Variants in TSHR observed in about 807,000 individuals in gnomAD.
TSHR encodes thyroid stimulating hormone receptor.
TSHR carries 51 observed loss-of-function variants against 64.1 expected under a neutral mutation model. That is an observed-to-expected ratio of 0.80 (90% CI 0.64 to 1.01). The LOEUF (loss-of-function observed/expected upper bound fraction) is 1.01. TSHR is among the 50% of genes least tolerant of loss of function. The pLI, the probability that TSHR is intolerant of heterozygous loss-of-function variation, is 0.00. For missense variants in TSHR, 877 were observed against 942.8 expected (o/e 0.93, Z 0.91); for synonymous variants, 361 against 361.9 (o/e 1.00, Z 0.03).
rs148965049 is a variant in TSHR, at chr14:80,983,443, A to C, written c.170+27593A>C. 1.6e-4 allele frequency: 213 copies of C among 1,308,020 alleles called. No homozygotes were observed. The African/African-American group carries it at 2.9e-3, about 18-fold the overall frequency. 81.0% of individuals were successfully genotyped at this position (1,308,020 alleles called of 1,614,324 possible). On this transcript the variant is annotated intron_variant, in intron 1 of 9. Transcript: ENST00000298171. ...CCAACTGCAGCCAGAGACATGATCAATATGAAGGCACTGGCAGCATCAAAA... is the reference window on the plus strand; with the variant it reads ...CCAACTGCAGCCAGAGACATGATCACTATGAAGGCACTGGCAGCATCAAAA...
intron 8 of TSHR, among the ~76,000 whole-genome samples, chr14:81,114,065 T>C (rs1167174231): frequency 1.7e-4 from 26 of 151,036 alleles, no homozygotes. Context: ...CATAGAATAT[T>C]GGCAAAATGT....
rs1889691801 is a variant in TSHR, at chr14:81,103,170, G to A, written c.615-5205G>A. ...TATAGGTGAAGGAAAGAAAGGTCAA[G>A]GTTCCATGGTAATAATAAAATAGTA... On this transcript the variant is annotated intron_variant, in intron 7 of 9. Coordinates refer to ENST00000298171, the MANE Select transcript of TSHR (RefSeq NM_000369.5). This position sits in a 1 kb window ranked among gnomAD's most constrained non-coding sequence, Gnocchi z 4.1. The A allele has an allele frequency of 6.1e-6, 6 of 985,428 alleles. No individual in the cohort carries two copies. The highest frequency in any genetic ancestry group is 7.2e-6 in the Non-Finnish European group (6 of 829,930). 61.0% of individuals were successfully genotyped at this position (985,428 alleles called of 1,614,324 possible).
At chr14:80,975,824 C>T (rs1223642535) in intron 1 of TSHR, among the ~76,000 whole-genome samples, 1 of 152,128 alleles carries the variant, frequency 6.6e-6, no homozygotes, top group Non-Finnish European at 1.5e-5. Context: ...TTCTGAGCAG[C>T]ACAGGAGGCA....
chr14:81,022,811 A>G (rs1883841282), intron 1 of TSHR, among the ~76,000 whole-genome samples: 1 of 152,156 alleles, frequency 6.6e-6, no homozygotes, highest in Admixed American at 6.5e-5. Context: ...ACAAAGCGAG[A>G]CTTCATCTCA....
intron 1 of TSHR, among the ~76,000 whole-genome samples, chr14:80,971,175 G>A (rs1887572072): frequency 1.3e-5 from 2 of 152,126 alleles, no homozygotes; most frequent in African/African-American, 4.8e-5. Context: ...AATGGAAGAG[G>A]TCCCTGAATC....
chr14:81,020,217 C>T (rs1883670102), intron 1 of TSHR, among the ~76,000 whole-genome samples: 1 of 152,156 alleles, frequency 6.6e-6, no homozygotes. Flanking sequence ...GTGTCAGGTG[C>T]TAGAAATAGC....
At chr14:81,061,294 A>G (rs1390692932) in intron 1 of TSHR, among the ~76,000 whole-genome samples, 1 of 152,172 alleles carries the variant, frequency 6.6e-6, no homozygotes. Flanking sequence ...TACATGCTAT[A>G]AATTCAGTAG....
chr14:80,973,773 T>C (rs1476463643), intron 1 of TSHR, among the ~76,000 whole-genome samples: 18 of 152,216 alleles, frequency 1.2e-4, no homozygotes, highest in Non-Finnish European at 2.5e-4. Context: ...TTTTAAAATC[T>C]CCATTAACAA....
At chr14:81,017,108 T>TGACCTTG (rs1883452586) in intron 1 of TSHR, among the ~76,000 whole-genome samples, 1 of 152,170 alleles carries the variant, frequency 6.6e-6, no homozygotes, top group South Asian at 2.1e-4. Flanking sequence ...ATTTTTGCAA[T>TGACCTTG]CAGACCTTGC....
chr14:80,999,189 A>C (rs1889179287), intron 1 of TSHR, among the ~76,000 whole-genome samples: 1 of 152,196 alleles, frequency 6.6e-6, no homozygotes, highest in Admixed American at 6.5e-5. Context: ...TCATCTTTTG[A>C]ATACATAGGG....
intron 3 of TSHR, chr14:81,087,389 G>A (rs2284734): frequency 0.56 from 88,002 of 157,814 alleles, 27,128 homozygotes; most frequent in Non-Finnish European, 0.68. Context: ...ACTGACACAC[G>A]ATATTGCACT....
intron 1 of TSHR, among the ~76,000 whole-genome samples, chr14:81,025,894 G>A (rs1884024799): frequency 6.6e-6 from 1 of 152,126 alleles, no homozygotes; most frequent in Non-Finnish European, 1.5e-5. Context: ...ACCAGAGAGA[G>A]GCAAGAAACT....
At chr14:81,055,818 G>T (rs1012922479) in intron 1 of TSHR, among the ~76,000 whole-genome samples, 1 of 152,124 alleles carries the variant, frequency 6.6e-6, no homozygotes, top group African/African-American at 2.4e-5. Flanking sequence ...GATTTTACAG[G>T]CTCATAGGTT....
chr14:81,128,338 C>T (rs1190157358), intron 8 of TSHR, among the ~76,000 whole-genome samples: 2 of 152,028 alleles, frequency 1.3e-5, no homozygotes, highest in Non-Finnish European at 2.9e-5. Context: ...CAGGTAAGTC[C>T]CCCGAGGTCA....
chr14:81,087,170 C>T (rs1888344478), intron 3 of TSHR, among the ~76,000 whole-genome samples: 1 of 152,202 alleles, frequency 6.6e-6, no homozygotes, highest in African/African-American at 2.4e-5. Context: ...TTTTAGGTGC[C>T]ACTCCTAAGG....
chr14:81,053,117 A>T (rs1367677400), intron 1 of TSHR: 1 of 152,198 alleles, frequency 6.6e-6, no homozygotes, highest in Non-Finnish European at 1.5e-5. Flanking sequence ...GATGGTATAA[A>T]TTCTGGTTTG....
intron 3 of TSHR, among the ~76,000 whole-genome samples, chr14:81,081,358 C>A (rs892028090): frequency 6.6e-6 from 1 of 151,886 alleles, no homozygotes; most frequent in Non-Finnish European, 1.5e-5. Context: ...CATTTACCAG[C>A]TTATTATAAA....
intron 8 of TSHR, among the ~76,000 whole-genome samples, chr14:81,113,447 G>A (rs1380334868): frequency 6.6e-6 from 1 of 152,156 alleles, no homozygotes; most frequent in African/African-American, 2.4e-5. Flanking sequence ...TAGGGGTCAG[G>A]GCTAGAGATA....
At chr14:81,096,595 A>G in intron 6 of TSHR, 44 bp from the exon 7 acceptor site, 1 of 1,593,694 alleles carries the variant, frequency 6.3e-7, no homozygotes, top group Non-Finnish European at 8.6e-7. Context: ...GGCCAGCACC[A>G]CTTCTCACCA....
Sources: gnomAD v4.1 joint callset for allele counts (sites outside exome capture counted in the v4.1 genomes callset) on GRCh38, gnomAD v4.1.1 for gene constraint, Gnocchi (gnomAD v3.1) non-coding constraint, MANE v1.5 for transcripts, NCBI Gene and HGNC (gene_info 2026-07-23, HGNC 2026-07-21) for gene names.